Variants in COL26A1 observed in about 807,000 individuals in gnomAD.
COL26A1 encodes the protein collagen type XXVI alpha 1 chain, also known as collagen alpha-1(XXVI) chain.
A neutral mutation model predicts 59.3 loss-of-function variants in COL26A1; 41 were observed. The observed-to-expected ratio is 0.69, with a 90% CI of 0.54 to 0.90. COL26A1 has a LOEUF of 0.90. Among genes scored for constraint, COL26A1 ranks in the 40% least tolerant of loss-of-function variants. The pLI is 0.00. For missense variants in COL26A1, 612 were observed against 602.3 expected (o/e 1.02, Z -0.17); for synonymous variants, 266 against 256.0 (o/e 1.04, Z -0.37).
intron 3 of COL26A1, among the ~76,000 whole-genome samples, chr7:101,468,311 A>T (rs1406747311): frequency 2.6e-5 from 4 of 152,148 alleles, no homozygotes; most frequent in Non-Finnish European, 5.9e-5. Flanking sequence ...CAAAAAAAAA[A>T]AAATAAAAGA....
At chr7:101,455,084 C>T (rs1793437840) in intron 3 of COL26A1, among the ~76,000 whole-genome samples, 2 of 149,670 alleles carry the variant, frequency 1.3e-5, no homozygotes, top group Non-Finnish European at 3.0e-5. Context: ...GCTCTGTCAC[C>T]CAGGCTGGAG....
intron 2 of COL26A1, among the ~76,000 whole-genome samples, chr7:101,433,331 TA>T: frequency 6.6e-6 from 1 of 151,830 alleles, no homozygotes; most frequent in South Asian, 2.1e-4. Context: ...CATCAAAAAA[TA>T]AATAAATAAA....
At chr7:101,553,497 C>T (rs2130685995) in intron 11 of COL26A1, 121 bp downstream of exon 11, 1 of 923,534 alleles carries the variant, frequency 1.1e-6, no homozygotes, top group Non-Finnish European at 1.6e-6. Context: ...GGTGCTGGGC[C>T]ACCGGGTGTA....
chr7:101,498,131 T>G (rs1794627415), intron 3 of COL26A1, among the ~76,000 whole-genome samples: 1 of 152,228 alleles, frequency 6.6e-6, no homozygotes, highest in African/African-American at 2.4e-5. Flanking sequence ...GGCTTCTTCA[T>G]CATGCAGGCT....
chr7:101,444,848 TGTTTA>T (rs1793148743), intron 2 of COL26A1, among the ~76,000 whole-genome samples: 4 of 151,812 alleles, frequency 2.6e-5, no homozygotes, highest in Admixed American at 2.0e-4. Context: ...TTATTTTGTT[TGTTTA>T]TTTTTTTTGA....
At chr7:101,367,282 G>A (rs774414889) in intron 1 of COL26A1, among the ~76,000 whole-genome samples, 13 of 152,168 alleles carry the variant, frequency 8.5e-5, no homozygotes, top group Non-Finnish European at 1.5e-4. Flanking sequence ...CCAATGTGGT[G>A]GTATTTGGAG....
rs1175653802 is a variant in COL26A1 at position 101,363,115 on chromosome 7, C to T, written c.83C>T (p.Ser28Leu). The change falls in exon 1 of 13, where the codon TCG becomes TTG. Residue 28 changes from serine (S) to leucine (L), a missense_variant. Coordinates refer to ENST00000313669, the MANE Select transcript of COL26A1 (RefSeq NM_001278563.3). Reference sequence around the variant, plus strand: ...GCCACCGGCTTCCTCTATCCCTTCTCGGCCGCAGCTCTGCAGCAGCACGGC... The same window carrying T: ...GCCACCGGCTTCCTCTATCCCTTCTTGGCCGCAGCTCTGCAGCAGCACGGC... ...ALATGFLYPF[S>L]AAALQQHGYP... is the part of the protein sequence containing the mutation. 7.1e-6 allele frequency: 11 copies of T among 1,546,414 alleles called. No homozygotes were observed. The highest frequency in any genetic ancestry group is 4.3e-4 in the Middle Eastern group (2 of 4,692).
At position 101,408,592 on chromosome 7, in the gene COL26A1, T is replaced by C. The variant is rs114539250; in HGVS notation, c.159-11385T>C. Among the ~76,000 whole-genome samples, 985 of 152,294 alleles carry C rather than the reference T, an allele frequency of 6.5e-3. 15 individuals carry two copies. Among genetic ancestry groups the C allele is most frequent in the African/African-American group, 0.023 (949 of 41,568 alleles). ...GAACAAGGTGTGTTCCTGATGCTAT[T>C]TTGCTAGTAAGACAGCCTGGGATGG... On this transcript the variant is annotated intron_variant, in intron 1 of 12. Coordinates refer to ENST00000313669, the MANE Select transcript of COL26A1 (RefSeq NM_001278563.3).
intron 1 of COL26A1, among the ~76,000 whole-genome samples, chr7:101,414,212 A>C (rs62465642): frequency 0.17 from 26,547 of 152,024 alleles, 2,795 homozygotes; most frequent in Non-Finnish European, 0.24. Context: ...ACCAAATGTT[A>C]TGGGGACGGT....
At position 101,473,896 on chromosome 7, in the gene COL26A1, C is replaced by T. The variant is rs75792318; in HGVS notation, c.385+26109C>T. The stretch of plus-strand genomic sequence containing the variant: ...ATTTCAAGCAAGCTATCTACTTTTT[C>T]AGAGCCTCACTTTGCCCATCAATGA... On this transcript the variant is annotated intron_variant, in intron 3 of 12. Coordinates refer to ENST00000313669, the MANE Select transcript of COL26A1 (RefSeq NM_001278563.3). 8.3e-3 allele frequency among the ~76,000 whole-genome samples: 1,257 copies of T among 152,072 alleles called. 18 individuals carry two copies. Among genetic ancestry groups the T allele is most frequent in the South Asian group, 0.051 (244 of 4,816 alleles).
At chr7:101,487,486 C>A (rs1358205926) in intron 3 of COL26A1, among the ~76,000 whole-genome samples, 3 of 152,110 alleles carry the variant, frequency 2.0e-5, no homozygotes, top group African/African-American at 4.8e-5. Flanking sequence ...CCCTCTCTCA[C>A]GACATGGCTC....
chr7:101,485,757 G>A (rs1357549752), intron 3 of COL26A1, among the ~76,000 whole-genome samples: 1 of 152,176 alleles, frequency 6.6e-6, no homozygotes, highest in Non-Finnish European at 1.5e-5. Flanking sequence ...ACAGGTGTTG[G>A]GGGTGGGAGC....
At chr7:101,530,516 G>A (rs992689475) in intron 3 of COL26A1, among the ~76,000 whole-genome samples, 5 of 138,940 alleles carry the variant, frequency 3.6e-5, no homozygotes, top group Non-Finnish European at 7.6e-5. Context: ...CAGTGAGCAA[G>A]ATTGCATCAC....
Position 101,420,067 on chromosome 7 carries a change from C to T in COL26A1, c.249C>T (p.Cys83=). 3.1e-6 allele frequency: 5 copies of T among 1,613,384 alleles called. No individual in the cohort carries two copies. The Admixed American group carries it at 5.0e-5, about 16-fold the overall frequency. The part of the protein sequence containing the change: ...ETVVQRVYQS[C]RWPGPCANLV... Reference sequence around the variant, plus strand: ...TGGTCCAGCGCGTGTACCAGAGCTGCCGGTGGCCGGGGCCCTGCGCCAACC... The same window carrying T: ...TGGTCCAGCGCGTGTACCAGAGCTGTCGGTGGCCGGGGCCCTGCGCCAACC... The change falls in exon 2 of 13, where the codon TGC becomes TGT. Residue 83 remains cysteine, a synonymous_variant. Coordinates refer to ENST00000313669, the MANE Select transcript of COL26A1 (RefSeq NM_001278563.3).
intron 2 of COL26A1, among the ~76,000 whole-genome samples, chr7:101,439,831 C>T (rs1222152816): frequency 6.6e-6 from 1 of 152,152 alleles, no homozygotes; most frequent in Non-Finnish European, 1.5e-5. Flanking sequence ...CAACACCCCG[C>T]TCCAGAGCTG....
At chr7:101,549,945 C>T (rs1795825346) in intron 9 of COL26A1, among the ~76,000 whole-genome samples, 2 of 152,194 alleles carry the variant, frequency 1.3e-5, no homozygotes, top group African/African-American at 4.8e-5. Context: ...ACCCCAGGTT[C>T]GCCCTGCCTC....
intron 1 of COL26A1, among the ~76,000 whole-genome samples, chr7:101,401,528 G>GAGC (rs1791995455): frequency 2.8e-5 from 2 of 71,028 alleles, no homozygotes; most frequent in South Asian, 3.5e-4. Flanking sequence ...GGAGGACAAA[G>GAGC]AGAAGGAGGA....
intron 3 of COL26A1, among the ~76,000 whole-genome samples, chr7:101,472,637 A>C (rs1251400282): frequency 6.6e-6 from 1 of 152,148 alleles, no homozygotes; most frequent in Non-Finnish European, 1.5e-5. Context: ...CGCCTCGGGA[A>C]AATGCCTCCC....
At chr7:101,399,877 T>G (rs1392208589) in intron 1 of COL26A1, among the ~76,000 whole-genome samples, 1 of 152,212 alleles carries the variant, frequency 6.6e-6, no homozygotes, top group Admixed American at 6.5e-5. Context: ...TATAATTAGT[T>G]CTTCCATGGC....
Sources: gnomAD v4.1 joint callset for allele counts (sites outside exome capture counted in the v4.1 genomes callset) on GRCh38, gnomAD v4.1.1 for gene constraint, MANE v1.5 for transcripts, NCBI Gene and HGNC (gene_info 2026-07-23, HGNC 2026-07-21) for gene names.